Variants in ROBO2 observed in about 807,000 individuals in gnomAD.
The protein encoded by ROBO2 is roundabout homolog 2.
In ROBO2, 53 loss-of-function variants were observed where a neutral mutation model predicts 160.8. The ratio of observed to expected loss-of-function variants is 0.33; its 90% CI spans 0.26 to 0.41. The LOEUF (loss-of-function observed/expected upper bound fraction) is 0.41, where lower values mean the gene tolerates loss of function less well. ROBO2 is among the 10% of genes least tolerant of loss of function. ROBO2 has a pLI of 1.00. For missense variants in ROBO2, 1,577 were observed against 1,722.4 expected (o/e 0.92, Z 1.49); for synonymous variants, 664 against 611.7 (o/e 1.09, Z -1.26).
At chr3:76,642,337 C>G (rs114477742) in intron 2 of ROBO2, among the ~76,000 whole-genome samples, 2,730 of 121,894 alleles carry the variant, frequency 0.022, 65 homozygotes, top group Middle Eastern at 0.072. Flanking sequence ...AATATTTACA[C>G]TTGCTTTTTT....
In ROBO2 at chr3:76,274,350, TA is replaced by T. The variant is rs548394695; in HGVS notation, c.109+336759del. Among the ~76,000 whole-genome samples the T allele has an allele frequency of 1.9e-3, 274 of 146,914 alleles. 2 individuals carry two copies. The East Asian group carries it at 0.026, about 14-fold the overall frequency. On this transcript the variant is annotated intron_variant, in intron 2 of 26. Transcript: ENST00000487694. ...TGTACCCTAAAACTTAAAGTATAAT[TA>T]AAAAAAAAAAGAATTTTCAGCATGA...
At chr3:77,217,885 G>GA (rs1180626177) in intron 2 of ROBO2, among the ~76,000 whole-genome samples, 1 of 152,072 alleles carries the variant, frequency 6.6e-6, no homozygotes, top group African/African-American at 2.4e-5. Flanking sequence ...CAAAAGAACC[G>GA]AAAAAAGTAA....
intron 2 of ROBO2, among the ~76,000 whole-genome samples, chr3:77,169,904 T>TG (rs905434330): frequency 2.6e-5 from 4 of 152,106 alleles, no homozygotes; most frequent in African/African-American, 9.7e-5. Flanking sequence ...CTGGGGTCTC[T>TG]GGGGGGTGGG....
At chr3:76,395,307 T>A (rs1230865034) in intron 2 of ROBO2, among the ~76,000 whole-genome samples, 1 of 149,980 alleles carries the variant, frequency 6.7e-6, no homozygotes, top group Non-Finnish European at 1.5e-5. Flanking sequence ...TACCAGAATC[T>A]CTGGGACACA....
chr3:77,051,331 G>C (rs1003297403), intron 1 of ROBO2, among the ~76,000 whole-genome samples: 3 of 152,038 alleles, frequency 2.0e-5, no homozygotes, highest in Non-Finnish European at 4.4e-5. Flanking sequence ...TTACCCCCTT[G>C]CCTCCCACCT....
chr3:77,253,261 T>G (rs2090581308), intron 2 of ROBO2, among the ~76,000 whole-genome samples: 1 of 152,156 alleles, frequency 6.6e-6, no homozygotes, highest in African/African-American at 2.4e-5. Flanking sequence ...TTTTAAAAAA[T>G]GGATTTAGAA....
At chr3:77,424,023 A>G (rs2077952636) in intron 2 of ROBO2, among the ~76,000 whole-genome samples, 2 of 152,150 alleles carry the variant, frequency 1.3e-5, no homozygotes, top group Admixed American at 1.3e-4. Flanking sequence ...CCCTTATTTT[A>G]TAAATGAGAA....
chr3:77,209,339 A>G (rs748935703), intron 2 of ROBO2, among the ~76,000 whole-genome samples: 1 of 152,192 alleles, frequency 6.6e-6, no homozygotes, highest in Admixed American at 6.5e-5. Context: ...AGGTTAATGG[A>G]TTAGTGTCAC....
chr3:77,200,272 TA>T (rs2082735882), intron 2 of ROBO2, among the ~76,000 whole-genome samples: 2 of 13,514 alleles, frequency 1.5e-4, no homozygotes, highest in South Asian at 2.4e-3. Context: ...ATATTTTATA[TA>T]TATATATATA....
intron 2 of ROBO2, among the ~76,000 whole-genome samples, chr3:76,205,279 C>T (rs1320574582): frequency 6.6e-6 from 1 of 152,060 alleles, no homozygotes; most frequent in East Asian, 1.9e-4. Flanking sequence ...GCTGCTGCTT[C>T]TTTTTTAATT....
chr3:77,337,937 G>T (rs567754459), intron 2 of ROBO2, among the ~76,000 whole-genome samples: 2 of 152,248 alleles, frequency 1.3e-5, no homozygotes, highest in Non-Finnish European at 2.9e-5. Context: ...AACCAAGTTT[G>T]TTATAGTAAA....
At chr3:77,399,003 T>C (rs1279155201) in intron 2 of ROBO2, among the ~76,000 whole-genome samples, 1 of 152,184 alleles carries the variant, frequency 6.6e-6, no homozygotes, top group Non-Finnish European at 1.5e-5. Flanking sequence ...TTTCAGAAAT[T>C]AGCAAAATTG....
intron 2 of ROBO2, among the ~76,000 whole-genome samples, chr3:76,279,033 T>C (rs1403882389): frequency 2.0e-5 from 3 of 151,844 alleles, no homozygotes; most frequent in Non-Finnish European, 4.4e-5. Context: ...ATATTAATAG[T>C]GTTATTGCAG....
intron 2 of ROBO2, among the ~76,000 whole-genome samples, chr3:76,748,273 A>G (rs1381049397): frequency 1.3e-5 from 2 of 151,828 alleles, no homozygotes; most frequent in East Asian, 1.9e-4. Flanking sequence ...GCTAATTAAT[A>G]TATATTAAAG....
At chr3:77,292,864 A>C (rs1327392957) in intron 2 of ROBO2, among the ~76,000 whole-genome samples, 2 of 150,768 alleles carry the variant, frequency 1.3e-5, no homozygotes, top group South Asian at 4.2e-4. Flanking sequence ...CTAGATCACT[A>C]AAGACATAAA....
chr3:77,211,087 C>T (rs1490832534), intron 2 of ROBO2, among the ~76,000 whole-genome samples: 1 of 152,118 alleles, frequency 6.6e-6, no homozygotes, highest in African/African-American at 2.4e-5. Flanking sequence ...GTTTTGTAAT[C>T]CTTTGGGTAT....
At chr3:76,611,653 T>C (rs1309368627) in intron 2 of ROBO2, among the ~76,000 whole-genome samples, 1 of 152,194 alleles carries the variant, frequency 6.6e-6, no homozygotes. Context: ...ATTGAGATAT[T>C]CTCTCTTTAT....
chr3:77,017,957 A>C (rs2149492060), intron 2 of ROBO2, among the ~76,000 whole-genome samples: 1 of 152,276 alleles, frequency 6.6e-6, no homozygotes, highest in East Asian at 1.9e-4. Context: ...GCGTTCCAAT[A>C]ATGGAACACT....
intron 2 of ROBO2, among the ~76,000 whole-genome samples, chr3:76,661,070 T>G (rs1575786145): frequency 6.6e-6 from 1 of 152,210 alleles, no homozygotes; most frequent in East Asian, 1.9e-4. Context: ...CACTTTGAAG[T>G]GAGTAGCTAG....
Sources: allele counts gnomAD v4.1 joint callset (sites outside exome capture counted in the v4.1 genomes callset), GRCh38; gene constraint gnomAD v4.1.1; transcripts MANE v1.5; gene names NCBI Gene and HGNC (gene_info 2026-07-23, HGNC 2026-07-21).